The following USP44 variants were observed in gnomAD, a reference collection of about 807,000 sequenced individuals.
The protein encoded by USP44 is ubiquitin carboxyl-terminal hydrolase 44.
Under a neutral mutation model 69.0 loss-of-function variants are expected in USP44, and 61 were observed. That is an observed-to-expected ratio of 0.88 (90% CI 0.72 to 1.09). The LOEUF (loss-of-function observed/expected upper bound fraction) is 1.09. USP44 is among the 50% of genes least tolerant of loss of function. USP44 has a pLI of 0.00. For missense variants in USP44, 753 were observed against 849.9 expected (o/e 0.89, Z 1.42); for synonymous variants, 297 against 295.4 (o/e 1.01, Z -0.06).
At chr12:95,538,055 T>A (rs1423293002) in intron 1 of USP44, among the ~76,000 whole-genome samples, 4 of 152,172 alleles carry the variant, frequency 2.6e-5, no homozygotes, top group Non-Finnish European at 5.9e-5. Flanking sequence ...ATTAAACACA[T>A]CATTCTATTT....
chr12:95,518,078 G>A lies in USP44; in HGVS notation c.*76C>T. The A allele has an allele frequency of 6.7e-7, 1 of 1,486,684 alleles. No homozygotes were observed. Among genetic ancestry groups the A allele is most frequent in the Non-Finnish European group, 9.2e-7 (1 of 1,088,344 alleles). 92.1% of individuals were successfully genotyped at this position (1,486,684 alleles called of 1,614,324 possible). The stretch of plus-strand genomic sequence containing the variant: ...TATACACTGATTCACAAGAAAAAAT[G>A]AAGTTTAAAATGGTACATCAGTCTT... On this transcript the variant is annotated 3_prime_UTR_variant, in exon 6 of 6. Transcript: ENST00000258499.
At chr12:95,522,139 ACATGGTAGTT>A (rs2076686666) in intron 4 of USP44, 1 of 981,014 alleles carries the variant, frequency 1.0e-6, no homozygotes, top group African/African-American at 1.8e-5. Flanking sequence ...AAATAATGTA[ACATGGTAGTT>A]CAAGAGATTA....
intron 1 of USP44, among the ~76,000 whole-genome samples, chr12:95,544,094 G>A (rs549004238): frequency 2.7e-5 from 3 of 112,938 alleles, no homozygotes; most frequent in African/African-American, 7.2e-5. Flanking sequence ...TCGCTCTGTC[G>A]CCCAGGTTGG....
In USP44 at chr12:95,533,087, T is replaced by C. The variant is rs757156608; in HGVS notation, c.1170A>G (p.Gln390=). The change falls in exon 2 of 6, where the codon CAA becomes CAG. Residue 390 remains glutamine (Q), a synonymous_variant. Transcript: ENST00000258499. ...SLCHELHTLF[Q]VMWSGKWALV... ...ACGCCCACTTTCCAGACCACATGAC[T>C]TGGAACAAAGTATGCAATTCATGAC... 7 of 1,614,232 alleles carry C rather than the reference T, an allele frequency of 4.3e-6. No individual in the cohort carries two copies. In the Admixed American group the frequency reaches 1.2e-4, roughly 27 times the overall value.
At chr12:95,544,124 G>C (rs1309962541) in intron 1 of USP44, among the ~76,000 whole-genome samples, 1 of 129,672 alleles carries the variant, frequency 7.7e-6, no homozygotes, top group African/African-American at 3.0e-5. Context: ...GCACGATCTC[G>C]GCTCACTGCA....
At chr12:95,538,789 G>A (rs940738675) in intron 1 of USP44, among the ~76,000 whole-genome samples, 1 of 152,212 alleles carries the variant, frequency 6.6e-6, no homozygotes, top group African/African-American at 2.4e-5. Context: ...CCCCAAAGGG[G>A]TCTCATCACA....
chr12:95,516,742 C>T lies in USP44; in HGVS notation c.*1412G>A, dbSNP rs2076482206. 1 of 152,138 alleles carries T rather than the reference C, an allele frequency of 6.6e-6. No homozygotes were observed. Among genetic ancestry groups the T allele is most frequent in the African/African-American group, 2.4e-5 (1 of 41,422 alleles). The allele number at this position is 152,138 out of a possible 1,614,324, so 9.4% of individuals were successfully genotyped here. A position where few individuals can be genotyped will look rare whatever the true frequency, so the allele number is the denominator to read the frequency against. On this transcript the variant is annotated 3_prime_UTR_variant, in exon 6 of 6. Transcript: ENST00000258499. ...TCACTGCACCTCACTATCAGCTAAC[C>T]CAGATGACTTGTTTTGTGAAATTTA...
chr12:95,551,220 G>A (rs1392317867), intron 1 of USP44, 52 bp downstream of exon 1: 4 of 151,692 alleles, frequency 2.6e-5, no homozygotes, highest in African/African-American at 9.7e-5. Context: ...AAAAAGAAAA[G>A]AAAAAAGCCT....
At chr12:95,551,546 G>C (rs2077721239), upstream of USP44, 1 of 152,678 alleles carries the variant, frequency 6.5e-6, no homozygotes, top group South Asian at 2.1e-4. Flanking sequence ...TTATTATGCA[G>C]TCACTGCTTT....
At position 95,533,769 on chromosome 12, in the gene USP44, C is replaced by A. The variant is rs371620070; in HGVS notation, c.488G>T (p.Arg163Leu). The part of the protein sequence containing the change: ...RRRILMGKIF[R>L]TWFEQSPIGR... ...AATGGGTGATTGTTCAAACCATGTT[C>A]GAAAGATTTTACCCATTAGTATCCT... Residue 163 changes from arginine to leucine, a missense_variant, in exon 2 of 6, where the codon CGA becomes CTA. Transcript: ENST00000258499. 32 of 1,613,926 alleles carry A rather than the reference C, an allele frequency of 2.0e-5. No individual in the cohort carries two copies. Among genetic ancestry groups the A allele is most frequent in the Non-Finnish European group, 2.5e-5 (29 of 1,180,026 alleles).
chr12:95,551,034 G>A (rs1019842292), intron 1 of USP44, among the ~76,000 whole-genome samples: 1 of 151,952 alleles, frequency 6.6e-6, no homozygotes, highest in Non-Finnish European at 1.5e-5. Context: ...TTTTATTCAT[G>A]ATCTTCACTA....
Position 95,520,230 on chromosome 12 carries a change from T to C in USP44, c.1939+767A>G, listed in dbSNP as rs534938500. Among the ~76,000 whole-genome samples the C allele has an allele frequency of 5.3e-5, 8 of 151,696 alleles. No individual in the cohort carries two copies. The South Asian group carries it at 8.3e-4, about 16-fold the overall frequency. On this transcript the variant is annotated intron_variant, in intron 5 of 5. Coordinates refer to ENST00000258499, the MANE Select transcript of USP44 (RefSeq NM_032147.5). Reference sequence around the variant, plus strand: ...AAGTAAGGCTGGGTGTGGTGGCTCATGCCTGTAATCCCACCACTTTGGGAG... The same window carrying C: ...AAGTAAGGCTGGGTGTGGTGGCTCACGCCTGTAATCCCACCACTTTGGGAG...
intron 1 of USP44, among the ~76,000 whole-genome samples, chr12:95,550,724 G>C (rs2077709850): frequency 6.6e-6 from 1 of 152,086 alleles, no homozygotes. Flanking sequence ...CTCTGATCTA[G>C]TAATTGGGCG....
intron 1 of USP44, among the ~76,000 whole-genome samples, chr12:95,534,802 G>T (rs2077147279): frequency 6.6e-6 from 1 of 151,676 alleles, no homozygotes; most frequent in Non-Finnish European, 1.5e-5. Context: ...CAGCCTCCCG[G>T]GTAGCTGGGA....
At chr12:95,536,312 G>A (rs2077202810) in intron 1 of USP44, among the ~76,000 whole-genome samples, 1 of 151,906 alleles carries the variant, frequency 6.6e-6, no homozygotes, top group Admixed American at 6.6e-5. Context: ...CAAAGTGCTA[G>A]GATTACAAGC....
chr12:95,518,224 G>A lies in USP44; in HGVS notation c.2069C>T (p.Pro690Leu), dbSNP rs1194895349. ...TENGHSKLLP[P>L]ELLLGSQHPN... ...ATGTTGGCTCCCCAACAGGAGCTCT[G>A]GAGGCAAAAGTTTAGAATGTCCATT... is the stretch of plus-strand genomic sequence containing the variant. Residue 690 changes from proline to leucine, a missense_variant, in exon 6 of 6, where the codon CCA becomes CTA. Transcript: ENST00000258499. 1.2e-6 allele frequency: 2 copies of A among 1,614,046 alleles called. No homozygotes were observed. The highest frequency in any genetic ancestry group is 2.2e-5 in the East Asian group (1 of 44,892).
chr12:95,522,067 G>C, intron 4 of USP44: 1 of 985,400 alleles, frequency 1.0e-6, no homozygotes, highest in Non-Finnish European at 1.2e-6. Flanking sequence ...CCCATTACTG[G>C]ATCTCAGCAT....
At position 95,534,120 on chromosome 12, in the gene USP44, T is replaced by C. The variant is rs773972186; in HGVS notation, c.137A>G (p.His46Arg). The change falls in exon 2 of 6, where the codon CAT (histidine) becomes CGT (arginine). Residue 46 changes from histidine (H) to arginine (R), a missense_variant. Physicochemically the swap from His to Arg is conservative, Grantham distance 29. Transcript: ENST00000258499. ...TTCAATATATCTTCCACAGGCAACA[T>C]GGGAGCAGCTAAGGCAAGCCCAAAT... is the stretch of plus-strand genomic sequence containing the variant. Reference protein sequence around the residue: ...ESIWACLSCSHVACGRYIEEH... With the variant: ...ESIWACLSCSRVACGRYIEEH... 12 of 1,614,056 alleles carry C rather than the reference T, an allele frequency of 7.4e-6. No homozygotes were observed. The highest frequency in any genetic ancestry group is 1.0e-5 in the Non-Finnish European group (12 of 1,180,038).
At chr12:95,549,916 C>G (rs374776251) in intron 1 of USP44, among the ~76,000 whole-genome samples, 2 of 152,090 alleles carry the variant, frequency 1.3e-5, no homozygotes, top group Admixed American at 1.3e-4. Context: ...CAGTGGCTCA[C>G]GCCTGTAATC....
Sources: allele counts gnomAD v4.1 joint callset (sites outside exome capture counted in the v4.1 genomes callset), GRCh38; gene constraint gnomAD v4.1.1; transcripts MANE v1.5; gene names NCBI Gene and HGNC (gene_info 2026-07-23, HGNC 2026-07-21).